The following PARN variants were observed in gnomAD, a reference collection of about 807,000 sequenced individuals.
PARN encodes the protein poly(A)-specific ribonuclease PARN.
PARN carries 71 observed loss-of-function variants against 102.8 expected under a neutral mutation model. The ratio of observed to expected loss-of-function variants is 0.69; its 90% CI spans 0.57 to 0.84. PARN has a LOEUF of 0.84. Ranked by LOEUF, PARN falls within the 40% of genes least tolerant of loss-of-function variation. The probability of loss-of-function intolerance (pLI) is 0.00; values close to 1 mark genes in which losing one functional copy is unlikely to be tolerated. For synonymous variants in PARN, 261 were observed against 252.9 expected, an observed-to-expected ratio of 1.03 and a Z score of -0.30; for missense variants, 782 against 760.9, an observed-to-expected ratio of 1.03 and a Z score of -0.33.
chr16:14,584,253 AAT>A (rs1969704171), intron 16 of PARN, 92 bp downstream of exon 16: 4 of 834,444 alleles, frequency 4.8e-6, no homozygotes, highest in Non-Finnish European at 7.9e-6. Flanking sequence ...ATAAATGAAC[AAT>A]ACGGTCTCCA....
At chr16:14,594,749 ACTATAACCCAAAGGAC>A (rs977867280) in intron 12 of PARN, among the ~76,000 whole-genome samples, 1 of 152,132 alleles carries the variant, frequency 6.6e-6, no homozygotes, top group African/African-American at 2.4e-5. Flanking sequence ...TGGAGCTTTT[ACTATAACCCAAAGGAC>A]CTTCAGTGTA....
chr16:14,446,264 G>A (rs1185020842), intron 23 of PARN, among the ~76,000 whole-genome samples: 2 of 152,222 alleles, frequency 1.3e-5, no homozygotes, highest in African/African-American at 4.8e-5. Context: ...CCTTTCGGCT[G>A]TGCTTCTTAA....
chr16:14,590,495 C>T (rs895898153), intron 13 of PARN, among the ~76,000 whole-genome samples: 1 of 151,458 alleles, frequency 6.6e-6, no homozygotes. Flanking sequence ...ATTACCCGGG[C>T]ATGGTAGCAG....
intron 1 of PARN, among the ~76,000 whole-genome samples, 189 bp from the exon 2 acceptor site, chr16:14,629,863 G>A (rs980178997): frequency 4.6e-5 from 7 of 152,220 alleles, no homozygotes; most frequent in African/African-American, 1.7e-4. Context: ...CCCGGGGGGT[G>A]CCCGGCCCGG....
intron 5 of PARN, among the ~76,000 whole-genome samples, chr16:14,624,556 G>C (rs1972522230): frequency 2.0e-5 from 3 of 152,234 alleles, no homozygotes; most frequent in African/African-American, 7.2e-5. Flanking sequence ...TTGTACAATG[G>C]GTGAAGTTCC....
At chr16:14,617,742 G>A in intron 5 of PARN, 92 bp from the exon 6 acceptor site, 1 of 782,878 alleles carries the variant, frequency 1.3e-6, no homozygotes, top group South Asian at 1.4e-5. Flanking sequence ...AGAAAACAAA[G>A]ACAATATGGG....
At chr16:14,438,174 T>A (rs1043002047) in intron 23 of PARN, among the ~76,000 whole-genome samples, 1 of 152,206 alleles carries the variant, frequency 6.6e-6, no homozygotes. Context: ...AACCTGCAGC[T>A]AGCCTGGCCT....
chr16:14,602,584 G>A (rs543851659), intron 11 of PARN, among the ~76,000 whole-genome samples: 10 of 152,300 alleles, frequency 6.6e-5, no homozygotes, highest in Non-Finnish European at 1.3e-4. Context: ...GTGCCCTGGT[G>A]GCCTTGCATG....
intron 1 of PARN, 58 bp from the exon 2 acceptor site, chr16:14,629,732 G>A: frequency 4.7e-6 from 6 of 1,275,268 alleles, no homozygotes; most frequent in Non-Finnish European, 5.7e-6. Context: ...GCTAAGGGGA[G>A]AGGGAAGGAG....
intron 18 of PARN, among the ~76,000 whole-genome samples, chr16:14,567,700 T>TC (rs1968514765): frequency 6.6e-6 from 1 of 152,168 alleles, no homozygotes; most frequent in Non-Finnish European, 1.5e-5. Context: ...GGTTCTGGCA[T>TC]CACCAGGTGC....
chr16:14,599,924 T>C lies in PARN; in HGVS notation c.820A>G (p.Ile274Val). 5 of 1,604,214 alleles carry C rather than the reference T, an allele frequency of 3.1e-6. No individual in the cohort carries two copies. Among genetic ancestry groups the C allele is most frequent in the South Asian group, 1.1e-5 (1 of 89,674 alleles). ...LNDAVGFSRVIHAIANSGKLV... is the reference protein window; with the variant it reads ...LNDAVGFSRVVHAIANSGKLV... ...CTTACCGAATTAGCAATGGCGTGAATGACTCTAGAAAATCCCACAGCATCA... is the reference window on the plus strand; with the variant it reads ...CTTACCGAATTAGCAATGGCGTGAACGACTCTAGAAAATCCCACAGCATCA... Residue 274 changes from isoleucine to valine, a missense_variant, in exon 12 of 24, where the codon ATT becomes GTT. Transcript: ENST00000437198.
chr16:14,611,421 C>T (rs1971512363), intron 6 of PARN, among the ~76,000 whole-genome samples: 1 of 152,126 alleles, frequency 6.6e-6, no homozygotes, highest in Non-Finnish European at 1.5e-5. Context: ...AGATAATTAC[C>T]TTACCTGCAT....
chr16:14,561,205 GCTGC>G (rs796549818), intron 18 of PARN, among the ~76,000 whole-genome samples: 6 of 151,470 alleles, frequency 4.0e-5, no homozygotes, highest in African/African-American at 1.5e-4. Flanking sequence ...TGTGTCCCAG[GCTGC>G]CTAAGAAGGC....
intron 21 of PARN, among the ~76,000 whole-genome samples, chr16:14,545,154 T>C (rs1416879761): frequency 6.6e-6 from 1 of 152,156 alleles, no homozygotes; most frequent in African/African-American, 2.4e-5. Flanking sequence ...TACTCTGGCC[T>C]GGGTGACAGA....
intron 6 of PARN, among the ~76,000 whole-genome samples, chr16:14,611,874 T>C (rs1285479117): frequency 6.6e-6 from 1 of 151,918 alleles, no homozygotes; most frequent in African/African-American, 2.4e-5. Context: ...CGATGGCAAA[T>C]GTTTTAGGCT....
rs772972768 is a variant in PARN, at chr16:14,436,675, T to C, written c.*42A>G. 3.3e-5 allele frequency: 49 copies of C among 1,474,956 alleles called. No individual in the cohort carries two copies. The highest frequency in any genetic ancestry group is 1.3e-4 in the Admixed American group (7 of 53,454). 91.4% of individuals were successfully genotyped at this position (1,474,956 alleles called of 1,614,324 possible). ...TCCAAATGTGCCAGCCGGCTCTTGC[T>C]CACAGCGACAGCACCAGCGGTTTGC... is the stretch of plus-strand genomic sequence containing the variant. On this transcript the variant is annotated 3_prime_UTR_variant, in exon 24 of 24. Transcript: ENST00000437198.
intron 22 of PARN, among the ~76,000 whole-genome samples, chr16:14,448,125 C>T (rs2151558401): frequency 6.6e-6 from 1 of 152,054 alleles, no homozygotes; most frequent in African/African-American, 2.4e-5. Context: ...GCTGGGATTA[C>T]AGGCACCCGC....
intron 6 of PARN, among the ~76,000 whole-genome samples, chr16:14,615,094 A>G (rs1971810963): frequency 6.6e-6 from 1 of 152,092 alleles, no homozygotes; most frequent in African/African-American, 2.4e-5. Context: ...AGGGCCTGAC[A>G]TTTACAGAGC....
At chr16:14,584,726 A>G in intron 15 of PARN, 23 bp downstream of exon 15, 1 of 1,538,486 alleles carries the variant, frequency 6.5e-7, no homozygotes, top group Non-Finnish European at 8.8e-7. Context: ...CAGTCGCTTT[A>G]TAAAGTAGCA....
Sources: gnomAD v4.1 joint callset for allele counts (sites outside exome capture counted in the v4.1 genomes callset) on GRCh38, gnomAD v4.1.1 for gene constraint, MANE v1.5 for transcripts, NCBI Gene and HGNC (gene_info 2026-07-23, HGNC 2026-07-21) for gene names.